The following SRFBP1 variants were observed in gnomAD, a reference collection of about 807,000 sequenced individuals.
SRFBP1 encodes serum response factor binding protein 1, also known as serum response factor-binding protein 1.
SRFBP1 carries 47 observed loss-of-function variants against 45.5 expected under a neutral mutation model. The observed-to-expected ratio is 1.03, with a 90% CI of 0.82 to 1.32. The LOEUF (loss-of-function observed/expected upper bound fraction) is 1.32, where lower values mean the gene tolerates loss of function less well. SRFBP1 is among the 40% of genes most tolerant of loss of function. The pLI, the probability that SRFBP1 is intolerant of heterozygous loss-of-function variation, is 0.00. For synonymous variants in SRFBP1, 203 were observed against 166.3 expected, an observed-to-expected ratio of 1.22 and a Z score of -1.70; for missense variants, 621 against 484.6, an observed-to-expected ratio of 1.28 and a Z score of -2.64.
At chr5:122,054,987 T>A (rs1754054641) in intron 2 of SRFBP1, among the ~76,000 whole-genome samples, 1 of 152,244 alleles carries the variant, frequency 6.6e-6, no homozygotes, top group Admixed American at 6.5e-5. Flanking sequence ...CAATAAGTGA[T>A]GAAGCTAGGA....
chr5:121,985,554 C>T (rs1752495467), intron 3 of SRFBP1, among the ~76,000 whole-genome samples: 1 of 151,792 alleles, frequency 6.6e-6, no homozygotes. Flanking sequence ...TTATTAAATA[C>T]ACTCTCTGCC....
rs868540067 is a variant in SRFBP1 at position 122,047,177 on chromosome 5, T to C, written n.311+24770T>C. Among the ~76,000 whole-genome samples the C allele has an allele frequency of 4.6e-5, 7 of 152,250 alleles. 1 individual carries two copies. The highest frequency in any genetic ancestry group is 4.6e-4 in the Admixed American group (7 of 15,290). Reference sequence around the variant, plus strand: ...TTCTCTTCTAGGGTTTTTATGGTTTTAGGTCTAACATTTAAGTCTTTAATC... The same window carrying C: ...TTCTCTTCTAGGGTTTTTATGGTTTCAGGTCTAACATTTAAGTCTTTAATC... On this transcript the variant is annotated intron_variant and non_coding_transcript_variant, in intron 2 of 2. Transcript: ENST00000504881.
At position 121,982,244 on chromosome 5, in the gene SRFBP1, T is replaced by A. The variant is rs1055990822; in HGVS notation, c.198+6857T>A. ...AAGATGCCCTGGTTTGTTAGCCTTCTGTACTTAACTGTGACCTTTAAAATT... is the reference window on the plus strand; with the variant it reads ...AAGATGCCCTGGTTTGTTAGCCTTCAGTACTTAACTGTGACCTTTAAAATT... On this transcript the variant is annotated intron_variant, in intron 3 of 7. Transcript: ENST00000339397. 2.6e-5 allele frequency among the ~76,000 whole-genome samples: 4 copies of A among 151,950 alleles called. 1 individual carries two copies. The highest frequency in any genetic ancestry group is 4.4e-5 in the Non-Finnish European group (3 of 67,880).
chr5:122,033,910 GCCT>G (rs1753633500), intron 2 of SRFBP1, among the ~76,000 whole-genome samples: 1 of 138,576 alleles, frequency 7.2e-6, no homozygotes, highest in Admixed American at 8.0e-5. Flanking sequence ...TGCAGCCTCT[GCCT>G]CCTGGGTTCC....
downstream of SRFBP1, among the ~76,000 whole-genome samples, chr5:122,029,348 GGC>G (rs1177570577): frequency 1.3e-5 from 2 of 152,062 alleles, no homozygotes; most frequent in African/African-American, 4.8e-5. Flanking sequence ...TTTCTGCAAT[GGC>G]TGGTCAGAAC....
intron 4 of SRFBP1, among the ~76,000 whole-genome samples, chr5:122,008,744 T>A (rs1753028009): frequency 6.6e-6 from 1 of 152,182 alleles, no homozygotes; most frequent in South Asian, 2.1e-4. Context: ...GCCATCTTGC[T>A]GACATCTATC....
At chr5:121,977,352 A>G (rs1409342028) in intron 3 of SRFBP1, among the ~76,000 whole-genome samples, 2 of 152,102 alleles carry the variant, frequency 1.3e-5, no homozygotes, top group African/African-American at 2.4e-5. Context: ...TCTGACTTCA[A>G]CTTCTTTTGT....
chr5:122,037,476 C>G (rs1353796751), intron 2 of SRFBP1, among the ~76,000 whole-genome samples: 1 of 152,058 alleles, frequency 6.6e-6, no homozygotes, highest in African/African-American at 2.4e-5. Flanking sequence ...ATTTTTATAG[C>G]TATATGTTTA....
chr5:122,029,274 T>G (rs1753554023), downstream of SRFBP1, among the ~76,000 whole-genome samples: 1 of 152,182 alleles, frequency 6.6e-6, no homozygotes, highest in African/African-American at 2.4e-5. Context: ...AGGGTTCATC[T>G]GACTCCACTA....
chr5:122,077,717 G>T, downstream of SRFBP1: 1 of 1,586,422 alleles, frequency 6.3e-7, no homozygotes, highest in African/African-American at 1.3e-5. The surrounding 1 kb of genome is among the most constrained non-coding windows in gnomAD (Gnocchi z 4.9). Flanking sequence ...CAGCAGGATC[G>T]GAGTGCGGGG....
intron 3 of SRFBP1, among the ~76,000 whole-genome samples, chr5:121,984,869 C>A (rs1752481170): frequency 6.6e-6 from 1 of 151,752 alleles, no homozygotes; most frequent in South Asian, 2.1e-4. Context: ...AGACCAGAAG[C>A]TAAAGTAGCT....
At chr5:121,980,433 C>T (rs2112824379) in intron 3 of SRFBP1, among the ~76,000 whole-genome samples, 1 of 152,232 alleles carries the variant, frequency 6.6e-6, no homozygotes, top group East Asian at 1.9e-4. Flanking sequence ...TGTGAATATC[C>T]TGTAGTCTTT....
At chr5:122,002,915 A>G (rs1752900651) in intron 4 of SRFBP1, among the ~76,000 whole-genome samples, 1 of 152,238 alleles carries the variant, frequency 6.6e-6, no homozygotes, top group South Asian at 2.1e-4. Context: ...TCATTTCTCT[A>G]CAATTAATTG....
intron 2 of SRFBP1, among the ~76,000 whole-genome samples, chr5:122,057,535 C>G (rs901125627): frequency 1.3e-5 from 2 of 151,210 alleles, no homozygotes; most frequent in Non-Finnish European, 2.9e-5. Context: ...CTATTTTGCC[C>G]AGGCTGGTCT....
intron 2 of SRFBP1, among the ~76,000 whole-genome samples, chr5:122,040,960 T>A (rs1201499876): frequency 6.6e-6 from 1 of 152,126 alleles, no homozygotes; most frequent in Non-Finnish European, 1.5e-5. Context: ...ATATATAAGT[T>A]TATATAGTTT....
Position 122,027,376 on chromosome 5 carries a change from GTC to G in SRFBP1, c.*254_*255del. ...ATTACTTAAACTCGTATTTGAATAA[GTC>G]TCTTGGGGAGAATTATAGAATGTTT... On this transcript the variant is annotated 3_prime_UTR_variant, in exon 8 of 8. Transcript: ENST00000339397. The G allele has an allele frequency of 3.9e-6, 1 of 259,696 alleles. No homozygotes were observed. Among genetic ancestry groups the G allele is most frequent in the Non-Finnish European group, 7.2e-6 (1 of 138,404 alleles). The allele number at this position is 259,696 out of a possible 1,614,324, so 16.1% of individuals were successfully genotyped here. A position where few individuals can be genotyped will look rare whatever the true frequency, so the allele number is the denominator to read the frequency against.
chr5:122,001,454 A>G (rs1752866388), intron 4 of SRFBP1, among the ~76,000 whole-genome samples: 1 of 143,960 alleles, frequency 6.9e-6, no homozygotes, highest in African/African-American at 2.6e-5. Flanking sequence ...TACAAATTTT[A>G]CTCCACACTA....
downstream of SRFBP1, chr5:122,077,569 G>A (rs1435766205): frequency 2.5e-6 from 4 of 1,613,044 alleles, no homozygotes; most frequent in East Asian, 8.9e-5. This position sits in a 1 kb window ranked among gnomAD's most constrained non-coding sequence, Gnocchi z 4.9. Context: ...CCGCGCGCGA[G>A]GCGCCAGCTT....
At chr5:121,995,398 C>T (rs1200952802) in intron 4 of SRFBP1, among the ~76,000 whole-genome samples, 1 of 152,138 alleles carries the variant, frequency 6.6e-6, no homozygotes, top group African/African-American at 2.4e-5. Flanking sequence ...GCTGAACAAC[C>T]TGCTCCTGAA....
Sources: gnomAD v4.1 joint callset for allele counts (sites outside exome capture counted in the v4.1 genomes callset) on GRCh38, gnomAD v4.1.1 for gene constraint, Gnocchi (gnomAD v3.1) non-coding constraint, MANE v1.5 for transcripts, NCBI Gene and HGNC (gene_info 2026-07-23, HGNC 2026-07-21) for gene names.